Variants in CLTCL1 observed in about 807,000 individuals in gnomAD.
The protein encoded by CLTCL1 is clathrin heavy chain 2.
CLTCL1 carries 159 observed loss-of-function variants against 190.0 expected under a neutral mutation model. That is an observed-to-expected ratio of 0.84 (90% CI 0.74 to 0.95). The LOEUF is 0.95. Among genes scored for constraint, CLTCL1 ranks in the 40% least tolerant of loss-of-function variants. CLTCL1 has a pLI of 0.00. For missense variants in CLTCL1, 1,878 were observed against 2,033.4 expected (o/e 0.92, Z 1.47); for synonymous variants, 752 against 769.6 (o/e 0.98, Z 0.38).
Position 19,233,575 on chromosome 22 carries a change from G to A in CLTCL1, c.1215C>T (p.Pro405=), listed in dbSNP as rs76002948. 1.1e-5 allele frequency: 18 copies of A among 1,613,696 alleles called. No individual in the cohort carries two copies. Among genetic ancestry groups the A allele is most frequent in the South Asian group, 4.4e-5 (4 of 91,070 alleles). Residue 405 remains proline, a synonymous_variant, in exon 8 of 33, where the codon CCC becomes CCT. Coordinates refer to ENST00000427926, the MANE Select transcript of CLTCL1 (RefSeq NM_007098.4). ...RETVQKFQSI[P]AQSGQASPLL... is the part of the protein sequence containing the mutation. ...ATGGAGAAGCCTGGCCAGACTGAGC[G>A]GGTATACTCTGGAATTTCTGGACCG... is the stretch of plus-strand genomic sequence containing the variant.
intron 2 of CLTCL1, among the ~76,000 whole-genome samples, chr22:19,263,752 T>A (rs1207213499): frequency 3.9e-5 from 6 of 152,222 alleles, no homozygotes; most frequent in Non-Finnish European, 7.3e-5. Flanking sequence ...TCCATTTTTT[T>A]AGACATAATG....
Position 19,233,405 on chromosome 22 carries a change from C to T in CLTCL1, c.1368+17G>A, listed in dbSNP as rs2085977753. ...TCAAGCTGTGCGGGGGGGCTACGAG[C>T]TCACAAGTGTTTCTACCTTATCTTC... On this transcript the variant is annotated intron_variant, in intron 8 of 32. Coordinates refer to ENST00000427926, the MANE Select transcript of CLTCL1 (RefSeq NM_007098.4). 6.2e-7 allele frequency: 1 copy of T among 1,613,376 alleles called. No homozygotes were observed.
At chr22:19,288,338 T>C (rs1199554448) in intron 1 of CLTCL1, among the ~76,000 whole-genome samples, 3 of 152,176 alleles carry the variant, frequency 2.0e-5, no homozygotes, top group African/African-American at 7.2e-5. Flanking sequence ...TATGTATGCA[T>C]AGGGAAAAAA....
At chr22:19,213,220 G>T (rs1311898430) in intron 19 of CLTCL1, among the ~76,000 whole-genome samples, 1 of 152,202 alleles carries the variant, frequency 6.6e-6, no homozygotes, top group Admixed American at 6.5e-5. Context: ...CACATAAAAA[G>T]TTGTTCATCA....
chr22:19,284,628 C>A lies in CLTCL1; in HGVS notation c.42+6972G>T, dbSNP rs376550999. ...TGAGCCAAGACCACGCCATTGCATTCCAGCCTGGGCAACAAGAGTGAAACT... is the reference window on the plus strand; with the variant it reads ...TGAGCCAAGACCACGCCATTGCATTACAGCCTGGGCAACAAGAGTGAAACT... On this transcript the variant is annotated intron_variant, in intron 1 of 32. Transcript: ENST00000427926. Among the ~76,000 whole-genome samples the A allele has an allele frequency of 2.0e-5, 3 of 152,182 alleles. No homozygotes were observed. In the South Asian group the frequency reaches 6.2e-4, roughly 32 times the overall value.
In CLTCL1 at chr22:19,187,715, GA is replaced by G; in HGVS notation, c.4447del (p.Ser1483LeufsTer22). On this transcript the variant is annotated frameshift_variant, in exon 29 of 33. Coordinates refer to ENST00000427926, the MANE Select transcript of CLTCL1 (RefSeq NM_007098.4). LOFTEE classifies it high-confidence loss of function. ...GTCAAAGTTGTCATAGGCATCGATA[GA>G]TGCCCTTAAGCCCTAGGAAGACAGC... ...EEEDYQGLRASIDAYDNFDNI... is the reference protein window; with the variant it reads ...EEEDYQGLRAXIDAYDNFDNI... The G allele has an allele frequency of 6.2e-7, 1 of 1,613,776 alleles. No individual in the cohort carries two copies. Among genetic ancestry groups the G allele is most frequent in the Non-Finnish European group, 8.5e-7 (1 of 1,179,854 alleles).
intron 4 of CLTCL1, among the ~76,000 whole-genome samples, chr22:19,241,927 T>G (rs2086265135): frequency 6.6e-6 from 1 of 150,422 alleles, no homozygotes; most frequent in Non-Finnish European, 1.5e-5. Flanking sequence ...GAGCAGAAAC[T>G]GTGCCTCATC....
At chr22:19,182,461 TG>T (rs2084172594) in intron 30 of CLTCL1, 1 of 152,288 alleles carries the variant, frequency 6.6e-6, no homozygotes, top group Non-Finnish European at 1.5e-5. Context: ...GCAGATGGGA[TG>T]GGGTCACACT....
chr22:19,277,209 A>G (rs2087546865), intron 1 of CLTCL1, among the ~76,000 whole-genome samples: 1 of 152,162 alleles, frequency 6.6e-6, no homozygotes, highest in African/African-American at 2.4e-5. Flanking sequence ...TCTAGCACAT[A>G]CTGGATGTTC....
At position 19,251,698 on chromosome 22, in the gene CLTCL1, C is replaced by T. The variant is rs1301565321; in HGVS notation, c.519+2261G>A. On this transcript the variant is annotated intron_variant, in intron 3 of 32. Transcript: ENST00000427926. ...GTCTCAATCTCCTGACCTCGTGATC[C>T]GCCCGCCTTGGCCTCCCAAAGTGCT... Among the ~76,000 whole-genome samples, 8 of 152,148 alleles carry T rather than the reference C, an allele frequency of 5.3e-5. No homozygotes were observed. In the East Asian group the frequency reaches 5.8e-4, roughly 11 times the overall value.
At chr22:19,246,647 T>C (rs1407013561) in intron 3 of CLTCL1, among the ~76,000 whole-genome samples, 1 of 152,178 alleles carries the variant, frequency 6.6e-6, no homozygotes, top group African/African-American at 2.4e-5. Flanking sequence ...CGGCTAATTT[T>C]GTATTTTTAC....
chr22:19,269,669 A>G (rs1464205084), intron 2 of CLTCL1, among the ~76,000 whole-genome samples: 2 of 152,148 alleles, frequency 1.3e-5, no homozygotes, highest in African/African-American at 4.8e-5. Context: ...ATCCTCAGCA[A>G]ACTAACACAG....
intron 30 of CLTCL1, 172 bp from the exon 31 acceptor site, chr22:19,180,978 G>C (rs1466510820): frequency 8.0e-6 from 5 of 622,012 alleles, no homozygotes; most frequent in Admixed American, 2.5e-5. Flanking sequence ...CTTTTAGAAT[G>C]CAGCAAGGCA....
In CLTCL1 at chr22:19,254,255, G is replaced by A. The variant is rs369364178; in HGVS notation, c.251-28C>T. On this transcript the variant is annotated intron_variant, in intron 2 of 32. Transcript: ENST00000427926. ...AGTATTTGATATAATAGAGATTAGA[G>A]AAAGACAAATTAAAAATCTGAAAGA... The A allele has an allele frequency of 2.6e-6, 4 of 1,564,400 alleles. No individual in the cohort carries two copies. In the Admixed American group the frequency reaches 7.3e-5, roughly 28 times the overall value.
chr22:19,243,254 G>A (rs960953308), intron 3 of CLTCL1, among the ~76,000 whole-genome samples: 4 of 152,184 alleles, frequency 2.6e-5, no homozygotes, highest in African/African-American at 9.7e-5. Flanking sequence ...AGCATTAATA[G>A]TAGTTAAATC....
intron 3 of CLTCL1, among the ~76,000 whole-genome samples, chr22:19,250,154 T>C (rs540813524): frequency 4.2e-4 from 64 of 152,086 alleles, no homozygotes; most frequent in African/African-American, 1.5e-3. Context: ...CTCGGGTGGC[T>C]GAGGCAGGAG....
chr22:19,208,599 A>G (rs1474497864), intron 21 of CLTCL1, among the ~76,000 whole-genome samples: 2 of 151,906 alleles, frequency 1.3e-5, no homozygotes, highest in Non-Finnish European at 2.9e-5. Flanking sequence ...TCGGTGCCAC[A>G]ATCAACTTGA....
rs560780344 is a variant in CLTCL1 at position 19,226,097 on chromosome 22, G to C, written c.1947+122C>G. On this transcript the variant is annotated intron_variant, in intron 12 of 32. Coordinates refer to ENST00000427926, the MANE Select transcript of CLTCL1 (RefSeq NM_007098.4). ...TGCTTTTGGTAGTAAAGTATGGTAG[G>C]TTAGGGCAGTGACAGGCTCAGGCCA... 4.4e-6 allele frequency: 5 copies of C among 1,131,614 alleles called. No homozygotes were observed. The African/African-American group carries it at 7.8e-5, about 18-fold the overall frequency. 70.1% of individuals were successfully genotyped at this position (1,131,614 alleles called of 1,614,324 possible). A position where few individuals can be genotyped will look rare whatever the true frequency, so the allele number is the denominator to read the frequency against.
intron 2 of CLTCL1, among the ~76,000 whole-genome samples, chr22:19,258,996 A>T (rs1234060697): frequency 6.6e-6 from 1 of 152,250 alleles, no homozygotes; most frequent in Non-Finnish European, 1.5e-5. Context: ...GGACAGCATC[A>T]GAGGTCACAA....
Sources: gnomAD v4.1 joint callset for allele counts (sites outside exome capture counted in the v4.1 genomes callset) on GRCh38, gnomAD v4.1.1 for gene constraint, MANE v1.5 for transcripts, NCBI Gene and HGNC (gene_info 2026-07-23, HGNC 2026-07-21) for gene names.